The following GLYATL1 variants were observed in gnomAD, a reference collection of about 807,000 sequenced individuals.
GLYATL1 encodes glycine N-acyltransferase-like protein 1.
In GLYATL1, 15 loss-of-function variants were observed where a neutral mutation model predicts 20.0. The ratio of observed to expected loss-of-function variants is 0.75; its 90% CI spans 0.50 to 1.15. GLYATL1 has a LOEUF of 1.15. Among genes scored for constraint, GLYATL1 ranks in the 50% most tolerant of loss-of-function variants. The pLI is 0.00. For synonymous variants in GLYATL1, 151 were observed against 131.5 expected, an observed-to-expected ratio of 1.15 and a Z score of -1.01; for missense variants, 380 against 368.5, an observed-to-expected ratio of 1.03 and a Z score of -0.26.
upstream of GLYATL1, among the ~76,000 whole-genome samples, chr11:58,937,878 G>A (rs1855905110): frequency 6.6e-6 from 1 of 152,150 alleles, no homozygotes; most frequent in Non-Finnish European, 1.5e-5. Context: ...GACACATTGT[G>A]AGAGTACACA....
At chr11:58,913,695 G>T (rs1269321147) in intron 1 of GLYATL1, among the ~76,000 whole-genome samples, 2 of 152,174 alleles carry the variant, frequency 1.3e-5, no homozygotes, top group Non-Finnish European at 2.9e-5. Flanking sequence ...TTTGATATGG[G>T]CAGAAGGGAA....
chr11:58,907,102 A>T, intron 1 of GLYATL1: 1 of 333,912 alleles, frequency 3.0e-6, no homozygotes. Context: ...AAGTTACACC[A>T]TAATAGTTTT....
chr11:58,944,552 T>A (rs893803545), intron 2 of GLYATL1, among the ~76,000 whole-genome samples: 1 of 152,214 alleles, frequency 6.6e-6, no homozygotes, highest in Non-Finnish European at 1.5e-5. Flanking sequence ...TGGTACAAAC[T>A]AAAATTCTCA....
chr11:58,916,548 T>C (rs1452397678), intron 1 of GLYATL1, among the ~76,000 whole-genome samples: 5 of 152,206 alleles, frequency 3.3e-5, no homozygotes, highest in African/African-American at 1.2e-4. Context: ...TGGACCCTGC[T>C]ACCTCCCACA....
At chr11:58,905,725 T>A in intron 1 of GLYATL1, 1 of 183,844 alleles carries the variant, frequency 5.4e-6, no homozygotes, top group Non-Finnish European at 1.1e-5. Context: ...CCGGGATGGG[T>A]CATCTGGACA....
chr11:58,917,668 C>T (rs929330715), intron 1 of GLYATL1, among the ~76,000 whole-genome samples: 2 of 152,222 alleles, frequency 1.3e-5, no homozygotes, highest in Non-Finnish European at 2.9e-5. Flanking sequence ...CCTACTCAGG[C>T]ATCTCATGAC....
At position 58,956,272 on chromosome 11, in the gene GLYATL1, C is replaced by A. The variant is rs1857414544; in HGVS notation, c.*245C>A. 4.3e-6 allele frequency: 2 copies of A among 468,636 alleles called. No homozygotes were observed. The highest frequency in any genetic ancestry group is 3.8e-5 in the African/African-American group (2 of 52,278). The allele number at this position is 468,636 out of a possible 1,614,324, so 29.0% of individuals were successfully genotyped here. A position where few individuals can be genotyped will look rare whatever the true frequency, so the allele number is the denominator to read the frequency against. ...AGTGTTATAGGGAAAGACGGGGTTA[C>A]CAGTAAACATGTAACTAGAAAGCCA... On this transcript the variant is annotated 3_prime_UTR_variant, in exon 7 of 7. Transcript: ENST00000532726.
chr11:58,921,021 C>T (rs1343205100), intron 1 of GLYATL1, among the ~76,000 whole-genome samples: 1 of 152,204 alleles, frequency 6.6e-6, no homozygotes, highest in Non-Finnish European at 1.5e-5. Flanking sequence ...TTAGGTCTGG[C>T]AGTCCCAAGT....
chr11:58,947,092 T>A lies in GLYATL1; in HGVS notation c.5T>A (p.Ile2Asn). 1 of 1,614,066 alleles carries A rather than the reference T, an allele frequency of 6.2e-7. No homozygotes were observed. Among genetic ancestry groups the A allele is most frequent in the East Asian group, 2.2e-5 (1 of 44,886 alleles). The change falls in exon 3 of 7, where the codon ATC becomes AAC. Residue 2 changes from isoleucine (I) to asparagine (N), a missense_variant. Transcript: ENST00000532726. ...AGGTCTGAAGCATCCCACAGAATGA[T>A]CCTACTGAATAACTCCCATAAGCTG... M[I>N]LLNNSHKLLA... is the part of the protein sequence containing the mutation.
chr11:58,907,381 T>G (rs1473843704), exon 2 of GLYATL1: 3 of 456,198 alleles, frequency 6.6e-6, no homozygotes, highest in Non-Finnish European at 1.3e-5. Flanking sequence ...GGTAGTCTGC[T>G]GGAGTGGAAT....
intron 4 of GLYATL1, among the ~76,000 whole-genome samples, chr11:58,949,714 G>T (rs867336067): frequency 6.6e-6 from 1 of 151,758 alleles, no homozygotes; most frequent in Non-Finnish European, 1.5e-5. Context: ...AATGAAATAC[G>T]CTGCAATTTA....
chr11:58,936,796 T>C (rs187395630), upstream of GLYATL1, among the ~76,000 whole-genome samples: 10 of 152,300 alleles, frequency 6.6e-5, no homozygotes, highest in Non-Finnish European at 1.3e-4. Flanking sequence ...CAAGAAAGCA[T>C]GTCCTGTGGA....
upstream of GLYATL1, chr11:58,935,353 C>A (rs1855784677): frequency 1.3e-5 from 2 of 152,198 alleles, no homozygotes; most frequent in South Asian, 4.1e-4. Flanking sequence ...GTGCTCACTT[C>A]ACTTTTCTTC....
chr11:58,927,237 T>A (rs899175817), upstream of GLYATL1, among the ~76,000 whole-genome samples: 1 of 152,228 alleles, frequency 6.6e-6, no homozygotes, highest in Admixed American at 6.5e-5. Context: ...TAGAGCTACC[T>A]CGGGGGTAGG....
intron 1 of GLYATL1, among the ~76,000 whole-genome samples, chr11:58,941,181 C>G: frequency 1.1e-5 from 1 of 90,246 alleles, no homozygotes; most frequent in South Asian, 5.4e-4. Context: ...CTAATGCTAT[C>G]CCTCCCCCCT....
At chr11:58,912,011 TTG>T (rs1330267760), downstream of GLYATL1, among the ~76,000 whole-genome samples, 1 of 152,198 alleles carries the variant, frequency 6.6e-6, no homozygotes, top group Non-Finnish European at 1.5e-5. Flanking sequence ...GGGTCAAATT[TTG>T]TGTGTTTGTG....
intron 1 of GLYATL1, among the ~76,000 whole-genome samples, chr11:58,915,066 T>A (rs538197958): frequency 6.6e-6 from 1 of 152,298 alleles, no homozygotes; most frequent in South Asian, 2.1e-4. Flanking sequence ...TCCCCTTTAT[T>A]ATTCCTCAGT....
upstream of GLYATL1, among the ~76,000 whole-genome samples, chr11:58,925,563 T>C (rs545792887): frequency 6.6e-6 from 1 of 152,328 alleles, no homozygotes; most frequent in South Asian, 2.1e-4. Flanking sequence ...TTCTAGTTTC[T>C]TTTTAAATCA....
At chr11:58,948,013 C>A in intron 4 of GLYATL1, 48 bp downstream of exon 4, 1 of 1,241,688 alleles carries the variant, frequency 8.1e-7, no homozygotes. Flanking sequence ...TCCACAGGGC[C>A]TGAGGAACTG....
Sources: gnomAD v4.1 joint callset for allele counts (sites outside exome capture counted in the v4.1 genomes callset) on GRCh38, gnomAD v4.1.1 for gene constraint, MANE v1.5 for transcripts, NCBI Gene and HGNC (gene_info 2026-07-23, HGNC 2026-07-21) for gene names.